Variants in SOX5 observed in about 807,000 individuals in gnomAD.
SOX5 encodes the protein transcription factor SOX-5.
In SOX5, 9 loss-of-function variants were observed where a neutral mutation model predicts 92.0. That is an observed-to-expected ratio of 0.10 (90% confidence interval 0.06 to 0.17). The LOEUF is 0.17. Among genes scored for constraint, SOX5 ranks in the 10% least tolerant of loss-of-function variants. SOX5 has a pLI of 1.00. For synonymous variants in SOX5, 344 were observed against 336.3 expected, an observed-to-expected ratio of 1.02 and a Z score of -0.25; for missense variants, 642 against 944.5, an observed-to-expected ratio of 0.68 and a Z score of 4.20.
upstream of SOX5, among the ~76,000 whole-genome samples, chr12:23,954,462 A>AT (rs536583145): frequency 4.0e-5 from 6 of 150,794 alleles, no homozygotes; most frequent in East Asian, 1.2e-3. Flanking sequence ...TCAAAAAAAA[A>AT]GAAAGAAAGA....
At chr12:23,542,912 T>C (rs1014786717) in intron 13 of SOX5, among the ~76,000 whole-genome samples, 2 of 152,206 alleles carry the variant, frequency 1.3e-5, no homozygotes, top group Admixed American at 6.5e-5. Context: ...TAGTGGCTCA[T>C]GTGAAAGCAA....
At chr12:24,461,899 T>C (rs1322692055) in intron 1 of SOX5, among the ~76,000 whole-genome samples, 1 of 152,242 alleles carries the variant, frequency 6.6e-6, no homozygotes, top group African/African-American at 2.4e-5. Context: ...TCTTAGAGAC[T>C]CTAACCCAGC....
chr12:23,901,354 A>C (rs2097230276), intron 1 of SOX5, among the ~76,000 whole-genome samples: 1 of 152,202 alleles, frequency 6.6e-6, no homozygotes, highest in Non-Finnish European at 1.5e-5. Flanking sequence ...CTGACCTCCA[A>C]AACTGTAAAA....
chr12:23,904,510 A>G (rs1276073034), intron 1 of SOX5, among the ~76,000 whole-genome samples: 1 of 152,206 alleles, frequency 6.6e-6, no homozygotes, highest in East Asian at 1.9e-4. Context: ...CAGAGTAGAG[A>G]TCAACAAAAT....
At chr12:23,625,247 G>T (rs931091772) in intron 8 of SOX5, among the ~76,000 whole-genome samples, 1 of 152,094 alleles carries the variant, frequency 6.6e-6, no homozygotes, top group African/African-American at 2.4e-5. Flanking sequence ...GTTTTTCCTT[G>T]CCAAGAGAAC....
rs1036457751 is a variant in SOX5 at position 23,891,509 on chromosome 12, T to C, written c.270+4284A>G. Among the ~76,000 whole-genome samples the C allele has an allele frequency of 2.6e-5, 4 of 152,198 alleles. No individual in the cohort carries two copies. The East Asian group carries it at 7.7e-4, about 29-fold the overall frequency. On this transcript the variant is annotated intron_variant, in intron 2 of 14. Coordinates refer to ENST00000451604, the MANE Select transcript of SOX5 (RefSeq NM_006940.6). Reference sequence around the variant, plus strand: ...ACAGTTGTATCTTGTCTCTAACCTATTCAGGCAATACAAAATATATACCTC... The same window carrying C: ...ACAGTTGTATCTTGTCTCTAACCTACTCAGGCAATACAAAATATATACCTC...
intron 4 of SOX5, among the ~76,000 whole-genome samples, chr12:24,153,010 G>A (rs1435840279): frequency 2.0e-5 from 3 of 152,078 alleles, no homozygotes; most frequent in African/African-American, 4.8e-5. Context: ...GTGTTCTCAC[G>A]CCCTATGTGG....
intron 3 of SOX5, among the ~76,000 whole-genome samples, chr12:23,759,030 G>GACACACACACACACACACAC (rs61575999): frequency 5.5e-4 from 80 of 146,324 alleles, no homozygotes; most frequent in African/African-American, 1.8e-3. Flanking sequence ...CACACACACA[G>GACACACACACACACACACAC]ACACACACAC....
chr12:23,630,020 T>C (rs1340258391), intron 8 of SOX5, among the ~76,000 whole-genome samples: 1 of 151,946 alleles, frequency 6.6e-6, no homozygotes, highest in East Asian at 1.9e-4. Context: ...GGGACATGTA[T>C]CCTAGTGTAT....
intron 2 of SOX5, among the ~76,000 whole-genome samples, chr12:24,292,226 A>ACAT (rs1322937878): frequency 6.6e-6 from 1 of 152,246 alleles, no homozygotes; most frequent in Non-Finnish European, 1.5e-5. Flanking sequence ...AGAATCACTG[A>ACAT]CATCAATATG....
chr12:24,113,976 G>C (rs1206942559), intron 4 of SOX5, among the ~76,000 whole-genome samples: 1 of 152,178 alleles, frequency 6.6e-6, no homozygotes, highest in East Asian at 1.9e-4. Flanking sequence ...AAAAAAATGT[G>C]AGAGTTTTGT....
chr12:24,013,223 A>G (rs192658588), intron 4 of SOX5, among the ~76,000 whole-genome samples: 23 of 152,306 alleles, frequency 1.5e-4, no homozygotes, highest in Admixed American at 1.4e-3. Flanking sequence ...TGCCCTCTTA[A>G]TAAGTGCACA....
intron 2 of SOX5, among the ~76,000 whole-genome samples, chr12:23,884,859 G>A (rs1342649940): frequency 6.6e-6 from 1 of 152,182 alleles, no homozygotes; most frequent in African/African-American, 2.4e-5. Flanking sequence ...AGAAAACATT[G>A]AAATATTATG....
At chr12:23,666,037 C>T (rs903569825) in intron 6 of SOX5, among the ~76,000 whole-genome samples, 1 of 151,674 alleles carries the variant, frequency 6.6e-6, no homozygotes, top group South Asian at 2.1e-4. Flanking sequence ...CATGTTCACA[C>T]ATAATATTGA....
At chr12:24,216,838 G>A (rs1329933511) in intron 3 of SOX5, among the ~76,000 whole-genome samples, 2 of 152,154 alleles carry the variant, frequency 1.3e-5, no homozygotes, top group Non-Finnish European at 2.9e-5. Context: ...TGAGGCCGGG[G>A]AATCACTTTT....
At chr12:23,651,197 A>G (rs556898614) in intron 7 of SOX5, among the ~76,000 whole-genome samples, 5 of 152,104 alleles carry the variant, frequency 3.3e-5, no homozygotes, top group East Asian at 3.9e-4. Context: ...CTGTGTTGAA[A>G]TATCTTACAT....
intron 1 of SOX5, among the ~76,000 whole-genome samples, chr12:24,426,855 G>T (rs146697991): frequency 2.0e-5 from 3 of 151,808 alleles, no homozygotes; most frequent in African/African-American, 7.3e-5. Flanking sequence ...TTTTTCCCTC[G>T]TCTTTACCCC....
intron 4 of SOX5, among the ~76,000 whole-genome samples, chr12:24,055,315 A>C (rs192140374): frequency 6.6e-6 from 1 of 152,350 alleles, no homozygotes; most frequent in African/African-American, 2.4e-5. Flanking sequence ...AGAGGGATAC[A>C]ATATGGCAGG....
At chr12:23,597,844 G>C (rs1020274494) in intron 9 of SOX5, among the ~76,000 whole-genome samples, 1 of 152,184 alleles carries the variant, frequency 6.6e-6, no homozygotes, top group Admixed American at 6.5e-5. Flanking sequence ...GGAGATTCTA[G>C]CATTTAAGTG....
Sources: gnomAD v4.1 joint callset for allele counts (sites outside exome capture counted in the v4.1 genomes callset) on GRCh38, gnomAD v4.1.1 for gene constraint, MANE v1.5 for transcripts, NCBI Gene and HGNC (gene_info 2026-07-23, HGNC 2026-07-21) for gene names.